The following KCNH4 variants were observed in gnomAD, a reference collection of about 807,000 sequenced individuals.
The protein encoded by KCNH4 is voltage-gated delayed rectifier potassium channel KCNH4.
KCNH4 carries 33 observed loss-of-function variants against 90.7 expected under a neutral mutation model. That is an observed-to-expected ratio of 0.36 (90% CI 0.28 to 0.49). The LOEUF is 0.49. Ranked by LOEUF, KCNH4 falls within the 20% of genes least tolerant of loss-of-function variation. The probability of loss-of-function intolerance (pLI) is 0.98; values close to 1 mark genes in which losing one functional copy is unlikely to be tolerated. For synonymous variants in KCNH4, 551 were observed against 581.7 expected, an observed-to-expected ratio of 0.95 and a Z score of 0.76; for missense variants, 1,044 against 1,387.1, an observed-to-expected ratio of 0.75 and a Z score of 3.93.
chr17:42,168,636 T>C (rs982907050), intron 9 of KCNH4, among the ~76,000 whole-genome samples: 5 of 152,026 alleles, frequency 3.3e-5, no homozygotes, highest in African/African-American at 1.2e-4. Flanking sequence ...AGAGCAAGAC[T>C]CCTTCTTGAA....
intron 15 of KCNH4, among the ~76,000 whole-genome samples, chr17:42,160,920 C>CTTTTTTTT (rs57677761): frequency 1.4e-4 from 10 of 73,408 alleles, no homozygotes; most frequent in Non-Finnish European, 1.9e-4. Flanking sequence ...TTTTCTTTTT[C>CTTTTTTTT]TTTTTTTTTT....
In KCNH4 at chr17:42,166,481, C is replaced by T; in HGVS notation, c.1656G>A (p.Leu552=). 1 of 1,614,080 alleles carries T rather than the reference C, an allele frequency of 6.2e-7. No individual in the cohort carries two copies. Among genetic ancestry groups the T allele is most frequent in the Non-Finnish European group, 8.5e-7 (1 of 1,179,968 alleles). Residue 552 remains leucine, a synonymous_variant, in exon 10 of 17, where the codon CTG becomes CTA. Transcript: ENST00000264661. ...DIAMHLNREI[L]QLPLFGAASR... ...TCGCTGCCCCGAACAACGGCAGCTGCAGGATCTCCCGATTCAGGTGCATAG... is the reference window on the plus strand; with the variant it reads ...TCGCTGCCCCGAACAACGGCAGCTGTAGGATCTCCCGATTCAGGTGCATAG...
chr17:42,162,461 A>C, intron 14 of KCNH4, 140 bp from the exon 15 acceptor site: 1 of 636,934 alleles, frequency 1.6e-6, no homozygotes, highest in Non-Finnish European at 2.7e-6. Flanking sequence ...GGAAACCTAA[A>C]CTCCTTAGCC....
intron 9 of KCNH4, among the ~76,000 whole-genome samples, chr17:42,169,112 C>A (rs1328785714): frequency 6.6e-6 from 1 of 151,874 alleles, no homozygotes; most frequent in African/African-American, 2.4e-5. Flanking sequence ...CAGAGTCTAG[C>A]TCTGTCACCC....
At chr17:42,160,493 C>A in intron 15 of KCNH4, 58 bp from the exon 16 acceptor site, 6 of 1,495,816 alleles carry the variant, frequency 4.0e-6, no homozygotes, top group South Asian at 2.7e-5. Flanking sequence ...AGGTGCACCC[C>A]CCTCTCCAGT....
rs940172132 is a variant in KCNH4 at position 42,169,636 on chromosome 17, G to A, written c.1431C>T (p.Ile477=). ...HAVVFGNVTA[I]IQRMYSRRSL... ...AGCGGCGCGAGTACATGCGCTGGATGATGGCTGTCACGTTCCCGAACACCA... is the reference window on the plus strand; with the variant it reads ...AGCGGCGCGAGTACATGCGCTGGATAATGGCTGTCACGTTCCCGAACACCA... The change falls in exon 9 of 17, where the codon ATC becomes ATT. Residue 477 remains isoleucine, a synonymous_variant. Transcript: ENST00000264661. 4.3e-6 allele frequency: 7 copies of A among 1,613,916 alleles called. No individual in the cohort carries two copies. The African/African-American group carries it at 9.3e-5, about 22-fold the overall frequency.
intron 14 of KCNH4, 83 bp from the exon 15 acceptor site, chr17:42,162,404 G>A: frequency 8.4e-7 from 1 of 1,189,002 alleles, no homozygotes; most frequent in Non-Finnish European, 1.2e-6. Flanking sequence ...CCTGTCATTG[G>A]GCAGGCGGAG....
intron 9 of KCNH4, among the ~76,000 whole-genome samples, chr17:42,167,707 T>C (rs1484784044): frequency 2.0e-5 from 3 of 152,194 alleles, no homozygotes; most frequent in Non-Finnish European, 4.4e-5. Flanking sequence ...TCCCCACCCT[T>C]GGCCTAAGCC....
At chr17:42,168,099 G>A (rs542930881) in intron 9 of KCNH4, among the ~76,000 whole-genome samples, 2 of 152,172 alleles carry the variant, frequency 1.3e-5, no homozygotes, top group East Asian at 1.9e-4. Flanking sequence ...TCCCCACCCA[G>A]GCACAATGAG....
Position 42,176,445 on chromosome 17 carries a change from G to A in KCNH4, c.586-148C>T, listed in dbSNP as rs62076921. 4,151 of 617,402 alleles carry A rather than the reference G, an allele frequency of 6.7e-3. 25 individuals are homozygous for A. Among genetic ancestry groups the A allele is most frequent in the Admixed American group, 8.7e-3 (313 of 35,914 alleles). The allele number at this position is 617,402 out of a possible 1,614,324, so 38.2% of individuals were successfully genotyped here. On this transcript the variant is annotated intron_variant, in intron 4 of 16. Coordinates refer to ENST00000264661, the MANE Select transcript of KCNH4 (RefSeq NM_012285.3). ...AATGAAAGGAGATAGAAGGCCAGGAGAGGGGCGCAGAGGCTGACACCTGAC... is the reference window on the plus strand; with the variant it reads ...AATGAAAGGAGATAGAAGGCCAGGAAAGGGGCGCAGAGGCTGACACCTGAC...
Position 42,160,379 on chromosome 17 carries a change from C to G in KCNH4, c.2715G>C (p.Met905Ile). 6.2e-7 allele frequency: 1 copy of G among 1,613,212 alleles called. No homozygotes were observed. The highest frequency in any genetic ancestry group is 8.5e-7 in the Non-Finnish European group (1 of 1,179,398). The change falls in exon 16 of 17, where the codon ATG (methionine) becomes ATC (isoleucine). Residue 905 changes from methionine (M) to isoleucine (I), a missense_variant. Physicochemically the swap from Met to Ile is conservative, Grantham distance 10. Coordinates refer to ENST00000264661, the MANE Select transcript of KCNH4 (RefSeq NM_012285.3). ...SQLSRELRHIMGLLQARLGPP... is the reference protein window; with the variant it reads ...SQLSRELRHIIGLLQARLGPP... ...GACCCAGCCTGGCCTGCAGCAGGCC[C>G]ATGATGTGCCGCAGCTCCCGGCTAA...
intron 1 of KCNH4, among the ~76,000 whole-genome samples, chr17:42,179,508 A>ACAAG (rs1313045699): frequency 6.6e-6 from 1 of 152,216 alleles, no homozygotes; most frequent in African/African-American, 2.4e-5. Flanking sequence ...CTTGGGGAGA[A>ACAAG]CAAGTCCTAG....
chr17:42,167,619 G>T (rs1218415360), intron 9 of KCNH4, among the ~76,000 whole-genome samples: 3 of 151,994 alleles, frequency 2.0e-5, no homozygotes, highest in Non-Finnish European at 4.4e-5. Flanking sequence ...CCTCCCCCAG[G>T]CACTATACCC....
At position 42,164,125 on chromosome 17, in the gene KCNH4, GT is replaced by G; in HGVS notation, c.2124+4del. 1 of 1,550,770 alleles carries G rather than the reference GT, an allele frequency of 6.4e-7. No individual in the cohort carries two copies. Among genetic ancestry groups the G allele is most frequent in the Non-Finnish European group, 8.7e-7 (1 of 1,146,342 alleles). ...ATTCAACCCCACCCAGGAAGTGGGT[GT>G]TACCTGGGAGAGGCGAGGGGATCGG... On this transcript the variant is annotated splice_donor_region_variant and intron_variant, in intron 12 of 16. Coordinates refer to ENST00000264661, the MANE Select transcript of KCNH4 (RefSeq NM_012285.3).
chr17:42,171,742 G>A (rs1298997678), intron 7 of KCNH4, 46 bp downstream of exon 7: 2 of 1,574,780 alleles, frequency 1.3e-6, no homozygotes, highest in Non-Finnish European at 8.7e-7. Flanking sequence ...TTGGGGATGG[G>A]ACAGGTGGAC....
At chr17:42,164,406 G>A (rs954076649) in intron 11 of KCNH4, among the ~76,000 whole-genome samples, 1 of 152,232 alleles carries the variant, frequency 6.6e-6, no homozygotes, top group Non-Finnish European at 1.5e-5. Flanking sequence ...CTAAAACAAA[G>A]TGGACTCAGG....
Position 42,163,974 on chromosome 17 carries a change from G to GA in KCNH4, c.2125-17_2125-16insT. On this transcript the variant is annotated splice_polypyrimidine_tract_variant and intron_variant, in intron 12 of 16. Coordinates refer to ENST00000264661, the MANE Select transcript of KCNH4 (RefSeq NM_012285.3). This position sits in a 1 kb window ranked among gnomAD's most constrained non-coding sequence, Gnocchi z 5.4. ...CTGAGCGGGGCTGCGGGCAGAGGGG[G>GA]CAGCTGATGTCGCAGGACAGTGAAC... is the stretch of plus-strand genomic sequence containing the variant. 1.3e-6 allele frequency: 2 copies of GA among 1,521,598 alleles called. No individual in the cohort carries two copies. Among genetic ancestry groups the GA allele is most frequent in the Non-Finnish European group, 1.8e-6 (2 of 1,133,758 alleles). 94.3% of individuals were successfully genotyped at this position (1,521,598 alleles called of 1,614,324 possible). A position where few individuals can be genotyped will look rare whatever the true frequency, so the allele number is the denominator to read the frequency against.
At chr17:42,174,978 C>T (rs984784450) in intron 6 of KCNH4, among the ~76,000 whole-genome samples, 6 of 152,202 alleles carry the variant, frequency 3.9e-5, no homozygotes, top group Admixed American at 2.0e-4. Context: ...TCCCAGACCC[C>T]TCCAGCCTCT....
In KCNH4 at chr17:42,178,973, A is replaced by G. The variant is rs1598279327; in HGVS notation, c.130T>C (p.Tyr44His). 6.2e-7 allele frequency: 1 copy of G among 1,614,218 alleles called. No homozygotes were observed. Among genetic ancestry groups the G allele is most frequent in the Non-Finnish European group, 8.5e-7 (1 of 1,180,046 alleles). The change falls in exon 2 of 17, where the codon TAC (tyrosine) becomes CAC (histidine). Residue 44 changes from tyrosine (Y) to histidine (H), a missense_variant. Physicochemically the swap from Tyr to His is moderately conservative, Grantham distance 83 (BLOSUM62 2). This residue lies in a region of KCNH4 where 283 missense variants were observed against 378.6 expected (regional missense o/e 0.75). Transcript: ENST00000264661. ...AQGTRGFPIV[Y>H]CSDGFCELTG... ...AGCTCGCAGAAGCCGTCGGAGCAGT[A>G]GACGATGGGAAAGCCCCGTGTGCCC...
Sources: allele counts gnomAD v4.1 joint callset (sites outside exome capture counted in the v4.1 genomes callset), GRCh38; gene constraint gnomAD v4.1.1; regional missense constraint gnomAD v4.1.1; non-coding constraint Gnocchi (gnomAD v3.1); transcripts MANE v1.5; gene names NCBI Gene and HGNC (gene_info 2026-07-23, HGNC 2026-07-21).